SPATA31D3: variants seen among roughly 807,000 people sequenced by gnomAD.
SPATA31D3 encodes the protein SPATA31 subfamily D member 3, also known as spermatogenesis-associated protein 31D3.
For missense variants in SPATA31D3, 91 were observed against 297.9 expected, an observed-to-expected ratio of 0.31 and a Z score of 5.11; for synonymous variants, 27 against 107.8, an observed-to-expected ratio of 0.25 and a Z score of 4.65.
chr9:81,947,958 C>G lies in SPATA31D3; in HGVS notation c.2705C>G (p.Ala902Gly). 1 of 1,566,790 alleles carries G rather than the reference C, an allele frequency of 6.4e-7. No homozygotes were observed. The highest frequency in any genetic ancestry group is 8.6e-7 in the Non-Finnish European group (1 of 1,158,600). ...LSSNKQKMLE[A>G]HIKSFHMKPI... ...TCCAACAAACAAAAGATGTTGGAAG[C>G]CCATATTAAATCTTTCCATATGAAG... Residue 902 changes from alanine (A) to glycine (G), a missense_variant, in exon 4 of 4, where the codon GCC becomes GGC. Transcript: ENST00000445385.
chr9:81,945,388 G>A (rs1284804035), intron 3 of SPATA31D3, among the ~76,000 whole-genome samples, 156 bp downstream of exon 3: 1 of 60,682 alleles, frequency 1.6e-5, no homozygotes, highest in African/African-American at 6.8e-5. Flanking sequence ...CATAGGAACG[G>A]ATATGTGAAT....
chr9:81,949,560 G>T lies in SPATA31D3; in HGVS notation c.*1553G>T. On this transcript the variant is annotated 3_prime_UTR_variant, in exon 4 of 4. Coordinates refer to ENST00000445385, the MANE Select transcript of SPATA31D3 (RefSeq NM_207416.3). ...CTGGGGAGTTCATAGAAGAGAAGCT[G>T]GGGCATAGACATTGAATAGATATCA... 3.3e-6 allele frequency: 2 copies of T among 605,292 alleles called. No homozygotes were observed. The highest frequency in any genetic ancestry group is 6.1e-5 in the East Asian group (2 of 32,634). 37.5% of individuals were successfully genotyped at this position (605,292 alleles called of 1,614,324 possible).
rs549690588 is a variant in SPATA31D3 at position 81,949,427 on chromosome 9, C to T, written c.*1420C>T. The T allele has an allele frequency of 1.9e-5, 7 of 368,260 alleles. No individual in the cohort carries two copies. The South Asian group carries it at 2.2e-4, about 12-fold the overall frequency. The allele number at this position is 368,260 out of a possible 1,614,324, so 22.8% of individuals were successfully genotyped here. The stretch of plus-strand genomic sequence containing the variant: ...ATAACATATGGAAAACAAGAAAGTT[C>T]CTAGGAAAAGGGTAGCTCCTTGTCA... On this transcript the variant is annotated 3_prime_UTR_variant, in exon 4 of 4. Transcript: ENST00000445385.
At position 81,947,827 on chromosome 9, in the gene SPATA31D3, A is replaced by G. The variant is rs756845195; in HGVS notation, c.2574A>G (p.Ile858Met). ...HSSWHSVKQT[I>M]CLPEKSHSQI... ...CATGGCACTCAGTCAAGCAGACAAT[A>G]TGTCTTCCTGAGAAATCCCACAGCC... Residue 858 changes from isoleucine to methionine, a missense_variant, in exon 4 of 4, where the codon ATA becomes ATG. By Grantham distance (10) the Ile-to-Met change is conservative (BLOSUM62 1). Transcript: ENST00000445385. The G allele has an allele frequency of 9.2e-5, 147 of 1,602,012 alleles. 2 individuals are homozygous for G. Among genetic ancestry groups the G allele is most frequent in the Middle Eastern group, 3.3e-4 (2 of 6,046 alleles).
At position 81,948,037 on chromosome 9, in the gene SPATA31D3, C is replaced by T. The variant is rs749331579; in HGVS notation, c.*30C>T. ...GCTGTGGGGCCTTCCCCGCAAGATC[C>T]GTGAACCCACAGAAATCTTCAAATC... is the stretch of plus-strand genomic sequence containing the variant. On this transcript the variant is annotated 3_prime_UTR_variant, in exon 4 of 4. Coordinates refer to ENST00000445385, the MANE Select transcript of SPATA31D3 (RefSeq NM_207416.3). 27 of 1,597,962 alleles carry T rather than the reference C, an allele frequency of 1.7e-5. No individual in the cohort carries two copies. Among genetic ancestry groups the T allele is most frequent in the Admixed American group, 5.2e-5 (3 of 58,088 alleles).
Position 81,947,972 on chromosome 9 carries a change from T to C in SPATA31D3, c.2719T>C (p.Phe907Leu). ...GATGTTGGAAGCCCATATTAAATCT[T>C]TCCATATGAAGCCCATATTAAATCT... Reference protein sequence around the residue: ...QKMLEAHIKSFHMKPILNLSI With the variant: ...QKMLEAHIKSLHMKPILNLSI Residue 907 changes from phenylalanine to leucine, a missense_variant, in exon 4 of 4, where the codon TTC (phenylalanine) becomes CTC (leucine). Physicochemically the swap from Phe to Leu is conservative, Grantham distance 22. Coordinates refer to ENST00000445385, the MANE Select transcript of SPATA31D3 (RefSeq NM_207416.3). 6.4e-7 allele frequency: 1 copy of C among 1,551,104 alleles called. No individual in the cohort carries two copies. The highest frequency in any genetic ancestry group is 8.7e-7 in the Non-Finnish European group (1 of 1,151,974).
Position 81,949,407 on chromosome 9 carries a change from A to G in SPATA31D3, c.*1400A>G, listed in dbSNP as rs189130041. On this transcript the variant is annotated 3_prime_UTR_variant, in exon 4 of 4. Coordinates refer to ENST00000445385, the MANE Select transcript of SPATA31D3 (RefSeq NM_207416.3). ...AGCAGTCTAATAAACCCATCATAAC[A>G]TATGGAAAACAAGAAAGTTCCTAGG... 2.5e-4 allele frequency: 95 copies of G among 372,712 alleles called. No homozygotes were observed. Among genetic ancestry groups the G allele is most frequent in the African/African-American group, 1.8e-3 (89 of 48,230 alleles). The allele number at this position is 372,712 out of a possible 1,614,324, so 23.1% of individuals were successfully genotyped here. A position where few individuals can be genotyped will look rare whatever the true frequency, so the allele number is the denominator to read the frequency against.
Position 81,949,339 on chromosome 9 carries a change from C to A in SPATA31D3, c.*1332C>A. The A allele has an allele frequency of 2.7e-6, 1 of 364,826 alleles. No homozygotes were observed. Among genetic ancestry groups the A allele is most frequent in the South Asian group, 3.6e-5 (1 of 28,136 alleles). The allele number at this position is 364,826 out of a possible 1,614,324, so 22.6% of individuals were successfully genotyped here. A position where few individuals can be genotyped will look rare whatever the true frequency, so the allele number is the denominator to read the frequency against. On this transcript the variant is annotated 3_prime_UTR_variant, in exon 4 of 4. Transcript: ENST00000445385. ...TTCCCCAACCTTGAAAACACAGCCT[C>A]CTCCTGAAAACCTTTTCGGAACATT...
In SPATA31D3 at chr9:81,949,656, C is replaced by G. The variant is rs1823988360; in HGVS notation, c.*1649C>G. The G allele has an allele frequency of 9.6e-7, 1 of 1,043,758 alleles. No individual in the cohort carries two copies. Among genetic ancestry groups the G allele is most frequent in the African/African-American group, 1.6e-5 (1 of 63,668 alleles). 64.7% of individuals were successfully genotyped at this position (1,043,758 alleles called of 1,614,324 possible). Reference sequence around the variant, plus strand: ...CTCAGAATGTGCCAGAACTGCAGGTCAGAGCAGAGCCTGTCCAGGGCTATC... The same window carrying G: ...CTCAGAATGTGCCAGAACTGCAGGTGAGAGCAGAGCCTGTCCAGGGCTATC... On this transcript the variant is annotated 3_prime_UTR_variant, in exon 4 of 4. Transcript: ENST00000445385.
rs140540091 is a variant in SPATA31D3 at position 81,949,782 on chromosome 9, G to T, written c.*1775G>T. The T allele has an allele frequency of 2.0e-5, 27 of 1,329,626 alleles. No homozygotes were observed. The African/African-American group carries it at 3.0e-4, about 15-fold the overall frequency. 82.4% of individuals were successfully genotyped at this position (1,329,626 alleles called of 1,614,324 possible). On this transcript the variant is annotated 3_prime_UTR_variant, in exon 4 of 4. Transcript: ENST00000445385. The stretch of plus-strand genomic sequence containing the variant: ...AGAATTATCCTGCAATGATTAGACA[G>T]ATCATAGACAAGGACAGATAGCCCC...
Position 81,949,800 on chromosome 9 carries a change from A to T in SPATA31D3, c.*1793A>T. 2.4e-6 allele frequency: 3 copies of T among 1,268,954 alleles called. No individual in the cohort carries two copies. In the South Asian group the frequency reaches 3.6e-5, roughly 15 times the overall value. The allele number at this position is 1,268,954 out of a possible 1,614,324, so 78.6% of individuals were successfully genotyped here. On this transcript the variant is annotated 3_prime_UTR_variant, in exon 4 of 4. Coordinates refer to ENST00000445385, the MANE Select transcript of SPATA31D3 (RefSeq NM_207416.3). The stretch of plus-strand genomic sequence containing the variant: ...TTAGACAGATCATAGACAAGGACAG[A>T]TAGCCCCAGGAAGTTGGACATTTAA...
At position 81,947,864 on chromosome 9, in the gene SPATA31D3, C is replaced by A. The variant is rs372831178; in HGVS notation, c.2611C>A (p.Arg871=). The change falls in exon 4 of 4, where the codon CGA becomes AGA. Residue 871 remains arginine, a synonymous_variant. Transcript: ENST00000445385. The part of the protein sequence containing the change: ...PEKSHSQIKH[R]NLAALVSEDH... ...GAAATCCCACAGCCAAATTAAACAT[C>A]GAAATTTGGCAGCATTGGTGAGTGA... is the stretch of plus-strand genomic sequence containing the variant. The A allele has an allele frequency of 5.0e-6, 8 of 1,611,256 alleles. No individual in the cohort carries two copies. In the South Asian group the frequency reaches 7.7e-5, roughly 16 times the overall value.
rs1823986696 is a variant in SPATA31D3 at position 81,949,620 on chromosome 9, G to A, written c.*1613G>A. 1 of 769,372 alleles carries A rather than the reference G, an allele frequency of 1.3e-6. No individual in the cohort carries two copies. The highest frequency in any genetic ancestry group is 1.7e-5 in the African/African-American group (1 of 58,420). 47.7% of individuals were successfully genotyped at this position (769,372 alleles called of 1,614,324 possible). A position where few individuals can be genotyped will look rare whatever the true frequency, so the allele number is the denominator to read the frequency against. Reference sequence around the variant, plus strand: ...AGGAGCCCCTTTCCTCCCCAGTGCAGCTTGGGAAATCTCAGAATGTGCCAG... The same window carrying A: ...AGGAGCCCCTTTCCTCCCCAGTGCAACTTGGGAAATCTCAGAATGTGCCAG... On this transcript the variant is annotated 3_prime_UTR_variant, in exon 4 of 4. Coordinates refer to ENST00000445385, the MANE Select transcript of SPATA31D3 (RefSeq NM_207416.3).
chr9:81,949,816 G>GA lies in SPATA31D3; in HGVS notation c.*1809_*1810insA. ...CAAGGACAGATAGCCCCAGGAAGTT[G>GA]GACATTTAAGGGGAAGATATTGTGT... On this transcript the variant is annotated 3_prime_UTR_variant, in exon 4 of 4. Coordinates refer to ENST00000445385, the MANE Select transcript of SPATA31D3 (RefSeq NM_207416.3). 2 of 1,150,264 alleles carry GA rather than the reference G, an allele frequency of 1.7e-6. No individual in the cohort carries two copies. Among genetic ancestry groups the GA allele is most frequent in the East Asian group, 2.4e-5 (1 of 42,212 alleles). The allele number at this position is 1,150,264 out of a possible 1,614,324, so 71.3% of individuals were successfully genotyped here.
In SPATA31D3 at chr9:81,949,617, G is replaced by A; in HGVS notation, c.*1610G>A. The A allele has an allele frequency of 9.3e-6, 7 of 750,242 alleles. No homozygotes were observed. The highest frequency in any genetic ancestry group is 3.0e-4 in the Middle Eastern group (1 of 3,280). 46.5% of individuals were successfully genotyped at this position (750,242 alleles called of 1,614,324 possible). ...CCCAGGAGCCCCTTTCCTCCCCAGT[G>A]CAGCTTGGGAAATCTCAGAATGTGC... On this transcript the variant is annotated 3_prime_UTR_variant, in exon 4 of 4. Transcript: ENST00000445385.
At position 81,948,101 on chromosome 9, in the gene SPATA31D3, T is replaced by G. The variant is rs987184929; in HGVS notation, c.*94T>G. 113 of 1,482,684 alleles carry G rather than the reference T, an allele frequency of 7.6e-5. No individual in the cohort carries two copies. The African/African-American group carries it at 1.5e-3, about 20-fold the overall frequency. 91.8% of individuals were successfully genotyped at this position (1,482,684 alleles called of 1,614,324 possible). A position where few individuals can be genotyped will look rare whatever the true frequency, so the allele number is the denominator to read the frequency against. On this transcript the variant is annotated 3_prime_UTR_variant, in exon 4 of 4. Coordinates refer to ENST00000445385, the MANE Select transcript of SPATA31D3 (RefSeq NM_207416.3). ...TCCAATTCCTTTTCCCATTTCTACC[T>G]TCCCTCCTCAGCCAGCTTTATTTCT...
At position 81,949,791 on chromosome 9, in the gene SPATA31D3, CA is replaced by C; in HGVS notation, c.*1786del. ...CTGCAATGATTAGACAGATCATAGA[CA>C]AGGACAGATAGCCCCAGGAAGTTGG... is the stretch of plus-strand genomic sequence containing the variant. On this transcript the variant is annotated 3_prime_UTR_variant, in exon 4 of 4. Transcript: ENST00000445385. The C allele has an allele frequency of 4.6e-6, 6 of 1,304,562 alleles. No homozygotes were observed. The highest frequency in any genetic ancestry group is 2.2e-6 in the Non-Finnish European group (2 of 904,284). 80.8% of individuals were successfully genotyped at this position (1,304,562 alleles called of 1,614,324 possible). A position where few individuals can be genotyped will look rare whatever the true frequency, so the allele number is the denominator to read the frequency against.
rs145204252 is a variant in SPATA31D3, at chr9:81,949,701, C to G, written c.*1694C>G. The G allele has an allele frequency of 2.6e-5, 36 of 1,399,520 alleles. No individual in the cohort carries two copies. In the East Asian group the frequency reaches 8.0e-4, roughly 31 times the overall value. The allele number at this position is 1,399,520 out of a possible 1,614,324, so 86.7% of individuals were successfully genotyped here. A position where few individuals can be genotyped will look rare whatever the true frequency, so the allele number is the denominator to read the frequency against. On this transcript the variant is annotated 3_prime_UTR_variant, in exon 4 of 4. Transcript: ENST00000445385. ...GCTATCCCTGCAACTACATGGCTCC[C>G]TCCTGCAAAGTGACATGTACCAAAT...
chr9:81,947,767 C>T lies in SPATA31D3; in HGVS notation c.2514C>T (p.Ile838=). 6.2e-7 allele frequency: 1 copy of T among 1,602,408 alleles called. No homozygotes were observed. The highest frequency in any genetic ancestry group is 8.5e-7 in the Non-Finnish European group (1 of 1,175,494). The change falls in exon 4 of 4, where the codon ATC becomes ATT. Residue 838 remains isoleucine, a synonymous_variant. Coordinates refer to ENST00000445385, the MANE Select transcript of SPATA31D3 (RefSeq NM_207416.3). The part of the protein sequence containing the change: ...TVHLSKKFEE[I]NEGRMPGTVH... ...ATTTGAGCAAGAAATTTGAGGAAAT[C>T]AATGAGGGTCGAATGCCTGGGACTG...
Sources: allele counts gnomAD v4.1 joint callset (sites outside exome capture counted in the v4.1 genomes callset), GRCh38; gene constraint gnomAD v4.1.1; transcripts MANE v1.5; gene names NCBI Gene and HGNC (gene_info 2026-07-23, HGNC 2026-07-21).